Variants in MAP3K13 observed in about 807,000 individuals in gnomAD.
The protein encoded by MAP3K13 is leucine zipper-bearing kinase.
A neutral mutation model predicts 104.0 loss-of-function variants in MAP3K13; 52 were observed. The ratio of observed to expected loss-of-function variants is 0.50; its 90% CI spans 0.40 to 0.63. MAP3K13 has a LOEUF of 0.63. Among genes scored for constraint, MAP3K13 ranks in the 20% least tolerant of loss-of-function variants. The pLI is 0.00. For synonymous variants in MAP3K13, 394 were observed against 442.2 expected, an observed-to-expected ratio of 0.89 and a Z score of 1.37; for missense variants, 914 against 1,218.5, an observed-to-expected ratio of 0.75 and a Z score of 3.72.
chr3:185,407,489 G>GC (rs1365358578), intron 1 of MAP3K13, among the ~76,000 whole-genome samples: 2 of 152,166 alleles, frequency 1.3e-5, no homozygotes, highest in African/African-American at 4.8e-5. Flanking sequence ...AACAAAGTTT[G>GC]CCACACCATG....
intron 2 of MAP3K13, chr3:185,292,727 A>G: frequency 3.0e-6 from 3 of 985,332 alleles, no homozygotes; most frequent in Non-Finnish European, 3.6e-6. Context: ...GGTTGGATAC[A>G]TGGCAACAAG....
intron 5 of MAP3K13, among the ~76,000 whole-genome samples, chr3:185,448,368 G>A (rs781625908): frequency 4.6e-5 from 7 of 152,022 alleles, no homozygotes; most frequent in Non-Finnish European, 8.8e-5. Flanking sequence ...ATACAATTAT[G>A]TTCTCTAGAC....
chr3:185,308,009 C>CTTTTT (rs33949195), intron 2 of MAP3K13, among the ~76,000 whole-genome samples: 66 of 31,546 alleles, frequency 2.1e-3, no homozygotes, highest in Admixed American at 2.4e-3. Context: ...TCTTTGGGGT[C>CTTTTT]TTTTTTTTTT....
intron 2 of MAP3K13, among the ~76,000 whole-genome samples, chr3:185,288,602 A>G (rs980987489): frequency 3.3e-5 from 5 of 151,758 alleles, no homozygotes; most frequent in African/African-American, 9.7e-5. Context: ...GAAAAAATAA[A>G]TAAATAAATA....
chr3:185,320,695 C>T (rs905004402), intron 2 of MAP3K13, among the ~76,000 whole-genome samples: 9 of 152,108 alleles, frequency 5.9e-5, no homozygotes, highest in Admixed American at 3.9e-4. Context: ...TATTACCTTC[C>T]GGCTTGCAGG....
intron 2 of MAP3K13, among the ~76,000 whole-genome samples, chr3:185,348,110 C>A (rs1189786570): frequency 1.3e-5 from 2 of 151,794 alleles, no homozygotes; most frequent in Non-Finnish European, 2.9e-5. Flanking sequence ...TGAGCTCCAA[C>A]AAATAATCTC....
intron 2 of MAP3K13, among the ~76,000 whole-genome samples, chr3:185,346,180 G>A (rs900353875): frequency 8.6e-5 from 13 of 151,988 alleles, no homozygotes; most frequent in Admixed American, 2.6e-4. Context: ...CCAATAACGC[G>A]TTTTCTTAAA....
chr3:185,461,999 T>G (rs1420613388), intron 7 of MAP3K13, among the ~76,000 whole-genome samples: 1 of 152,110 alleles, frequency 6.6e-6, no homozygotes, highest in East Asian at 1.9e-4. Context: ...ATAGGGAGAC[T>G]CCCACCAAAT....
At chr3:185,417,918 T>C in intron 1 of MAP3K13, 7 of 1,604,202 alleles carry the variant, frequency 4.4e-6, no homozygotes, top group South Asian at 1.1e-5. Flanking sequence ...TGCTAAGATC[T>C]GTATTAATCA....
chr3:185,455,626 T>G lies in MAP3K13; in HGVS notation c.1278+4231T>G, dbSNP rs200775638. ...TATATCATATATATGAGATATATGA[T>G]ATATATATGATATATATGAGATATA... On this transcript the variant is annotated intron_variant, in intron 7 of 13. Coordinates refer to ENST00000265026, the MANE Select transcript of MAP3K13 (RefSeq NM_004721.5). Among the ~76,000 whole-genome samples, 43 of 8,908 alleles carry G rather than the reference T, an allele frequency of 4.8e-3. 7 individuals are homozygous for G. Among genetic ancestry groups the G allele is most frequent in the African/African-American group, 0.014 (42 of 2,942 alleles). 5.8% of individuals were successfully genotyped at this position (8,908 alleles called of 152,430 possible).
chr3:185,452,513 A>G (rs1715950532), intron 7 of MAP3K13, among the ~76,000 whole-genome samples: 3 of 152,190 alleles, frequency 2.0e-5, no homozygotes, highest in South Asian at 2.1e-4. Context: ...CTGGGATTAC[A>G]GGCATGAGCC....
intron 7 of MAP3K13, among the ~76,000 whole-genome samples, chr3:185,454,978 ATATATAT>A (rs1266176025): frequency 3.1e-5 from 2 of 65,454 alleles, no homozygotes; most frequent in Admixed American, 2.4e-4. Context: ...TATATATATG[ATATATAT>A]GAGATATATA....
intron 2 of MAP3K13, among the ~76,000 whole-genome samples, chr3:185,345,105 G>A (rs987425537): frequency 6.6e-5 from 10 of 151,930 alleles, no homozygotes; most frequent in African/African-American, 1.9e-4. Flanking sequence ...TCAGGTGATC[G>A]CCTGCCTTGG....
intron 2 of MAP3K13, among the ~76,000 whole-genome samples, chr3:185,293,756 C>T (rs1266149284): frequency 6.6e-6 from 1 of 152,156 alleles, no homozygotes; most frequent in Non-Finnish European, 1.5e-5. Flanking sequence ...ACCATTTTGG[C>T]ACTAATGCCT....
At chr3:185,311,043 C>T (rs988545238) in intron 2 of MAP3K13, among the ~76,000 whole-genome samples, 25 of 152,194 alleles carry the variant, frequency 1.6e-4, no homozygotes, top group African/African-American at 5.5e-4. Context: ...TTCTCTAAAT[C>T]ATATGTCTCT....
At position 185,351,935 on chromosome 3, in the gene MAP3K13, G is replaced by T. The variant is rs148269040; in HGVS notation, c.-86+66292G>T. ...TATTTGTTCTGCCATTGCCTAGGGT[G>T]TTGTCATCATCTGCATGGTACAAGT... On this transcript the variant is annotated intron_variant, in intron 2 of 14. Coordinates refer to the MAP3K13 transcript ENST00000424227. Among the ~76,000 whole-genome samples the T allele has an allele frequency of 2.9e-3, 449 of 152,296 alleles. 4 individuals carry two copies. The highest frequency in any genetic ancestry group is 0.01 in the African/African-American group (433 of 41,564).
upstream of MAP3K13, among the ~76,000 whole-genome samples, chr3:185,359,736 G>A (rs1054006233): frequency 1.3e-5 from 2 of 152,080 alleles, no homozygotes; most frequent in Non-Finnish European, 2.9e-5. Context: ...TAGGATTTGA[G>A]CCCAGATCTC....
intron 2 of MAP3K13, among the ~76,000 whole-genome samples, chr3:185,349,436 A>G (rs1172015202): frequency 4.8e-5 from 7 of 144,586 alleles, no homozygotes; most frequent in African/African-American, 2.0e-4. Context: ...GTTGCAGCAA[A>G]GGACATGACT....
Position 185,418,230 on chromosome 3 carries a change from G to A in MAP3K13, c.-85-10267G>A, listed in dbSNP as rs1713907421. On this transcript the variant is annotated intron_variant, in intron 1 of 13. Transcript: ENST00000265026. This position sits in a 1 kb window ranked among gnomAD's most constrained non-coding sequence, Gnocchi z 4.5. ...CAGCTCTCATTCGCTGAGAGGCATA[G>A]ACCTTTTCGATATCATTCCAGGCTT... 1 of 1,609,408 alleles carries A rather than the reference G, an allele frequency of 6.2e-7. No individual in the cohort carries two copies. Among genetic ancestry groups the A allele is most frequent in the Non-Finnish European group, 8.5e-7 (1 of 1,177,078 alleles).
Sources: allele counts gnomAD v4.1 joint callset (sites outside exome capture counted in the v4.1 genomes callset), GRCh38; gene constraint gnomAD v4.1.1; non-coding constraint Gnocchi (gnomAD v3.1); transcripts MANE v1.5; gene names NCBI Gene and HGNC (gene_info 2026-07-23, HGNC 2026-07-21).